LDB3: variants seen among roughly 807,000 people sequenced by gnomAD.
LDB3 encodes the protein LIM domain-binding protein 3.
A neutral mutation model predicts 69.0 loss-of-function variants in LDB3; 49 were observed. That is an observed-to-expected ratio of 0.71 (90% confidence interval 0.56 to 0.90). LDB3 has a LOEUF of 0.90. Ranked by LOEUF, LDB3 falls within the 40% of genes least tolerant of loss-of-function variation. The probability of loss-of-function intolerance (pLI) is 0.00; values close to 1 mark genes in which losing one functional copy is unlikely to be tolerated. For missense variants in LDB3, 928 were observed against 974.1 expected (o/e 0.95, Z 0.63); for synonymous variants, 387 against 396.2 (o/e 0.98, Z 0.28).
At chr10:86,670,790 CCAAAT>C (rs1844431055) in intron 2 of LDB3, among the ~76,000 whole-genome samples, 1 of 152,230 alleles carries the variant, frequency 6.6e-6, no homozygotes, top group African/African-American at 2.4e-5. Context: ...GGGGCATACC[CCAAAT>C]CACCTAAGCC....
intron 12 of LDB3, among the ~76,000 whole-genome samples, chr10:86,724,793 T>G (rs1313852448): frequency 6.6e-6 from 1 of 152,096 alleles, no homozygotes; most frequent in Non-Finnish European, 1.5e-5. Flanking sequence ...CATTTTTGAG[T>G]GTTTGTGCCA....
chr10:86,689,379 T>A (rs148776586), intron 5 of LDB3, among the ~76,000 whole-genome samples: 56 of 152,312 alleles, frequency 3.7e-4, no homozygotes, highest in African/African-American at 1.2e-3. Context: ...TCAGCCCACG[T>A]GCTCTGTCCA....
At chr10:86,700,895 C>A (rs1188642356) in intron 7 of LDB3, among the ~76,000 whole-genome samples, 1 of 152,234 alleles carries the variant, frequency 6.6e-6, no homozygotes, top group Non-Finnish European at 1.5e-5. Flanking sequence ...GTGGCACTTA[C>A]ATTAGAAGCA....
rs1444564162 is a variant in LDB3, at chr10:86,734,058, T to C, written c.*1082T>C. 1 of 152,130 alleles carries C rather than the reference T, an allele frequency of 6.6e-6. No homozygotes were observed. The highest frequency in any genetic ancestry group is 1.5e-5 in the Non-Finnish European group (1 of 68,030). The allele number at this position is 152,130 out of a possible 1,614,324, so 9.4% of individuals were successfully genotyped here. ...GAAACTTACTTTCTGCCACCCTCAG[T>C]AAGAACACACGAGGAGGCAGGACCT... On this transcript the variant is annotated 3_prime_UTR_variant, in exon 14 of 14. Coordinates refer to ENST00000361373, the MANE Select transcript of LDB3 (RefSeq NM_007078.3).
At chr10:86,720,985 T>C (rs1296552757) in intron 12 of LDB3, among the ~76,000 whole-genome samples, 2 of 152,334 alleles carry the variant, frequency 1.3e-5, no homozygotes, top group South Asian at 2.1e-4. Context: ...ATTTTCATCA[T>C]TTTTTGTAGA....
chr10:86,730,028 G>A (rs568053405), intron 13 of LDB3, among the ~76,000 whole-genome samples: 1 of 152,100 alleles, frequency 6.6e-6, no homozygotes, highest in Non-Finnish European at 1.5e-5. Flanking sequence ...CTCCACACGA[G>A]CCTGGTTATA....
At chr10:86,701,876 A>G (rs1846273760) in intron 7 of LDB3, among the ~76,000 whole-genome samples, 2 of 152,246 alleles carry the variant, frequency 1.3e-5, no homozygotes, top group Admixed American at 1.3e-4. Context: ...GTCTGCATCT[A>G]GACTCCCAGG....
At chr10:86,712,953 CGGG>C (rs1462518993) in intron 9 of LDB3, among the ~76,000 whole-genome samples, 1 of 151,842 alleles carries the variant, frequency 6.6e-6, no homozygotes, top group Non-Finnish European at 1.5e-5. Context: ...CCCAGCTACT[CGGG>C]AGGCTATGGC....
chr10:86,679,564 G>GC, intron 3 of LDB3, 46 bp downstream of exon 3: 1 of 1,605,232 alleles, frequency 6.2e-7, no homozygotes, highest in Admixed American at 1.7e-5. Flanking sequence ...TTGGGTGTGG[G>GC]CATGGGGCAG....
intron 13 of LDB3, among the ~76,000 whole-genome samples, chr10:86,728,586 G>GTTTTTGTTTTTGT (rs1554868912): frequency 3.8e-5 from 5 of 131,456 alleles, no homozygotes; most frequent in African/African-American, 1.4e-4. Context: ...TGGTTCTTTT[G>GTTTTTGTTTTTGT]TTTTTTTTTT....
intron 2 of LDB3, among the ~76,000 whole-genome samples, chr10:86,677,945 C>T (rs1844890039): frequency 6.6e-6 from 1 of 152,210 alleles, no homozygotes; most frequent in Non-Finnish European, 1.5e-5. Context: ...CTGCATCTCC[C>T]TTTTCTCCTG....
At chr10:86,700,783 C>G (rs1846230890) in intron 7 of LDB3, among the ~76,000 whole-genome samples, 1 of 152,212 alleles carries the variant, frequency 6.6e-6, no homozygotes, top group Non-Finnish European at 1.5e-5. Flanking sequence ...TTCACCTGAC[C>G]CAGGCCTGAC....
rs373297227 is a variant in LDB3 at position 86,720,431 on chromosome 10, A to G, written c.1978+1584A>G. On this transcript the variant is annotated intron_variant, in intron 12 of 13. Coordinates refer to ENST00000361373, the MANE Select transcript of LDB3 (RefSeq NM_007078.3). ...TGCACTCCAGCCTGGGCAACACAGT[A>G]AGACTCCATCTGAAAAAAAAAAGAA... Among the ~76,000 whole-genome samples, 201 of 147,678 alleles carry G rather than the reference A, an allele frequency of 1.4e-3. 1 individual carries two copies. Among genetic ancestry groups the G allele is most frequent in the African/African-American group, 4.9e-3 (191 of 38,700 alleles).
In LDB3 at chr10:86,668,691, C is replaced by T. The variant is rs1564626012; in HGVS notation, c.-1C>T. 6.2e-7 allele frequency: 1 copy of T among 1,612,802 alleles called. No homozygotes were observed. The highest frequency in any genetic ancestry group is 1.3e-5 in the African/African-American group (1 of 74,916). Reference sequence around the variant, plus strand: ...CAGAGGCGGCCGCTGACAGCACCAGCATGTCTTACAGTGTGACCCTGACTG... The same window carrying T: ...CAGAGGCGGCCGCTGACAGCACCAGTATGTCTTACAGTGTGACCCTGACTG... On this transcript the variant is annotated 5_prime_UTR_variant, in exon 2 of 14. Transcript: ENST00000361373.
At chr10:86,710,657 C>G (rs1047404695) in intron 9 of LDB3, among the ~76,000 whole-genome samples, 1 of 152,222 alleles carries the variant, frequency 6.6e-6, no homozygotes, top group Non-Finnish European at 1.5e-5. Flanking sequence ...AGCCTAGACT[C>G]GGGAGCAGGT....
At position 86,732,963 on chromosome 10, in the gene LDB3, C is replaced by A. The variant is rs181027948; in HGVS notation, c.2171C>A (p.Thr724Asn). 1 of 1,613,572 alleles carries A rather than the reference C, an allele frequency of 6.2e-7. No homozygotes were observed. The highest frequency in any genetic ancestry group is 8.5e-7 in the Non-Finnish European group (1 of 1,179,694). ...DRPLCKKHAH[T>N]INL Reference sequence around the variant, plus strand: ...CCCCTGTGCAAGAAGCACGCACACACCATCAACTTGTAGGCGGCCAAGGCC... The same window carrying A: ...CCCCTGTGCAAGAAGCACGCACACAACATCAACTTGTAGGCGGCCAAGGCC... The change falls in exon 14 of 14, where the codon ACC becomes AAC. Residue 724 changes from threonine (T) to asparagine (N), a missense_variant. By Grantham distance (65) the Thr-to-Asn change is moderately conservative. Transcript: ENST00000361373.
Position 86,732,153 on chromosome 10 carries a change from G to A in LDB3, c.2095-734G>A, listed in dbSNP as rs571184031. On this transcript the variant is annotated intron_variant, in intron 13 of 13. Coordinates refer to ENST00000361373, the MANE Select transcript of LDB3 (RefSeq NM_007078.3). ...AGCTACTGCGCCTGGAGTCAGGGGA[G>A]TTTTAATTTGCTTTTTCTTTAATTA... Among the ~76,000 whole-genome samples, 7 of 151,640 alleles carry A rather than the reference G, an allele frequency of 4.6e-5. No individual in the cohort carries two copies. The South Asian group carries it at 8.4e-4, about 18-fold the overall frequency.
At chr10:86,723,126 C>T (rs970828474) in intron 12 of LDB3, among the ~76,000 whole-genome samples, 1 of 151,416 alleles carries the variant, frequency 6.6e-6, no homozygotes, top group Non-Finnish European at 1.5e-5. Flanking sequence ...TTAAAGTAGC[C>T]GACCGTGGTG....
chr10:86,674,863 C>T (rs139265509), intron 2 of LDB3, among the ~76,000 whole-genome samples: 4,857 of 152,118 alleles, frequency 0.032, 183 homozygotes, highest in Admixed American at 0.11. Flanking sequence ...CTGAGGGTGC[C>T]CCCCTCCAAC....
Sources: allele counts gnomAD v4.1 joint callset (sites outside exome capture counted in the v4.1 genomes callset), GRCh38; gene constraint gnomAD v4.1.1; transcripts MANE v1.5; gene names NCBI Gene and HGNC (gene_info 2026-07-23, HGNC 2026-07-21).